The following UQCC2 variants were observed in gnomAD, a reference collection of about 807,000 sequenced individuals.
The protein encoded by UQCC2 is ubiquinol-cytochrome c reductase complex assembly factor 2, also known as breast cancer-associated protein SGA-81M.
In UQCC2, 21 loss-of-function variants were observed where a neutral mutation model predicts 19.9. The observed-to-expected ratio is 1.05, with a 90% CI of 0.75 to 1.52. The LOEUF is 1.52. Among genes scored for constraint, UQCC2 ranks in the 40% most tolerant of loss-of-function variants. The pLI is 0.00. For missense variants in UQCC2, 135 were observed against 157.5 expected (o/e 0.86, Z 0.76); for synonymous variants, 57 against 60.9 (o/e 0.94, Z 0.30).
chr6:33,705,883 G>T (rs1414965260), intron 1 of UQCC2, among the ~76,000 whole-genome samples: 1 of 152,144 alleles, frequency 6.6e-6, no homozygotes. Context: ...AGCAGTGCTG[G>T]GTTTGAAAAG....
Position 33,711,529 on chromosome 6 carries a change from G to A in UQCC2, c.138+20C>T. ...CTCGTCCTTTCCTCCCCTCGTCCCA[G>A]CCGCCTCCCCGCCGGTCACCTGGGT... On this transcript the variant is annotated intron_variant, in intron 1 of 3. Coordinates refer to ENST00000607484, the MANE Select transcript of UQCC2 (RefSeq NM_032340.4). 6.3e-7 allele frequency: 1 copy of A among 1,587,592 alleles called. No homozygotes were observed. Among genetic ancestry groups the A allele is most frequent in the Non-Finnish European group, 8.6e-7 (1 of 1,167,202 alleles).
chr6:33,697,048 G>T lies in UQCC2; in HGVS notation c.*605C>A, dbSNP rs541873647. On this transcript the variant is annotated 3_prime_UTR_variant, in exon 4 of 4. Transcript: ENST00000607484. Reference sequence around the variant, plus strand: ...AGTGCTGAAGCCAACTGCAGCTGAGGCCCCGCTTGGCCAAGGCCTGTCTAT... The same window carrying T: ...AGTGCTGAAGCCAACTGCAGCTGAGTCCCCGCTTGGCCAAGGCCTGTCTAT... 1 of 152,490 alleles carries T rather than the reference G, an allele frequency of 6.6e-6. No homozygotes were observed. The highest frequency in any genetic ancestry group is 2.1e-4 in the South Asian group (1 of 4,834). 9.4% of individuals were successfully genotyped at this position (152,490 alleles called of 1,614,324 possible).
At chr6:33,701,465 C>G in intron 1 of UQCC2, 45 bp from the exon 2 acceptor site, 1 of 1,583,756 alleles carries the variant, frequency 6.3e-7, no homozygotes, top group Non-Finnish European at 8.6e-7. Context: ...AGGAGTCCTG[C>G]CTCCCACAGT....
rs754881904 is a variant in UQCC2, at chr6:33,711,690, G to A, written c.-4C>T. On this transcript the variant is annotated 5_prime_UTR_variant, in exon 1 of 4. Transcript: ENST00000607484. Reference sequence around the variant, plus strand: ...GCCGGTACCGGCTGGCCGCCATCTTGGGCCCCGCGTGTTCCCGCCTTAGCG... The same window carrying A: ...GCCGGTACCGGCTGGCCGCCATCTTAGGCCCCGCGTGTTCCCGCCTTAGCG... 3.1e-6 allele frequency: 5 copies of A among 1,606,168 alleles called. No homozygotes were observed. The highest frequency in any genetic ancestry group is 3.5e-5 in the Admixed American group (2 of 57,624).
chr6:33,710,142 CA>C (rs1765748536), intron 1 of UQCC2, among the ~76,000 whole-genome samples: 1 of 152,158 alleles, frequency 6.6e-6, no homozygotes, highest in African/African-American at 2.4e-5. Context: ...TCAACCTGCG[CA>C]TAACCTGAAT....
intron 1 of UQCC2, among the ~76,000 whole-genome samples, chr6:33,710,927 G>GC (rs1472465011): frequency 2.0e-5 from 3 of 152,200 alleles, no homozygotes; most frequent in Admixed American, 2.0e-4. Flanking sequence ...TGCTGCACAG[G>GC]CTTACAGGGG....
intron 1 of UQCC2, among the ~76,000 whole-genome samples, chr6:33,701,937 G>T (rs983038377): frequency 6.6e-6 from 1 of 151,892 alleles, no homozygotes; most frequent in Non-Finnish European, 1.5e-5. Context: ...AGGCCTTCCT[G>T]GGGGAGGAGA....
intron 1 of UQCC2, among the ~76,000 whole-genome samples, chr6:33,703,541 G>A (rs368108291): frequency 6.6e-6 from 1 of 151,880 alleles, no homozygotes; most frequent in Non-Finnish European, 1.5e-5. Context: ...AGGGAGCAGG[G>A]GAGTCAAACT....
At chr6:33,705,060 C>A (rs1221906062) in intron 1 of UQCC2, among the ~76,000 whole-genome samples, 3 of 147,520 alleles carry the variant, frequency 2.0e-5, no homozygotes, top group Non-Finnish European at 4.5e-5. Flanking sequence ...TAGATGGAGT[C>A]TCACTCTGTC....
chr6:33,697,703 G>A lies in UQCC2; in HGVS notation c.331C>T (p.Leu111=). 6.2e-7 allele frequency: 1 copy of A among 1,614,172 alleles called. No homozygotes were observed. ...KEIDKGMWKK[L]QEKFAPKGPE... ...CCCTTGGGGGCAAACTTCTCCTGCA[G>A]TTTCTTCCACATGCCTTTATCTATT... Residue 111 remains leucine (L), a synonymous_variant, in exon 4 of 4, where the codon CTG becomes TTG. Transcript: ENST00000607484.
intron 3 of UQCC2, chr6:33,698,229 G>T (rs772845709): frequency 6.2e-6 from 1 of 161,986 alleles, no homozygotes; most frequent in Non-Finnish European, 1.4e-5. Context: ...GCAGGGATTT[G>T]AATCCTGGTG....
intron 1 of UQCC2, 92 bp from the exon 2 acceptor site, chr6:33,701,512 G>T: frequency 7.7e-7 from 1 of 1,306,172 alleles, no homozygotes; most frequent in Non-Finnish European, 1.1e-6. Flanking sequence ...TTAATAAAGC[G>T]TTCACATGAA....
intron 1 of UQCC2, among the ~76,000 whole-genome samples, chr6:33,710,076 T>C (rs774290313): frequency 1.3e-5 from 2 of 152,160 alleles, no homozygotes; most frequent in Non-Finnish European, 2.9e-5. Flanking sequence ...GGTGCTATCT[T>C]TGGTTCCTCT....
chr6:33,700,951 G>C (rs1442454029), intron 2 of UQCC2, among the ~76,000 whole-genome samples: 2 of 152,232 alleles, frequency 1.3e-5, no homozygotes, highest in Non-Finnish European at 2.9e-5. Flanking sequence ...AATCATGTTG[G>C]GCCCAGCTCC....
At chr6:33,703,648 T>C (rs566416745) in intron 1 of UQCC2, among the ~76,000 whole-genome samples, 3 of 151,706 alleles carry the variant, frequency 2.0e-5, no homozygotes, top group Admixed American at 1.3e-4. Context: ...AAAAAAAAAG[T>C]TGCCACAGTT....
intron 1 of UQCC2, among the ~76,000 whole-genome samples, chr6:33,706,897 C>T (rs941087845): frequency 2.0e-5 from 3 of 152,200 alleles, no homozygotes; most frequent in Admixed American, 6.5e-5. Context: ...TGAGAAGACA[C>T]CCTTGCTGAG....
intron 2 of UQCC2, among the ~76,000 whole-genome samples, 184 bp from the exon 3 acceptor site, chr6:33,700,697 A>G (rs1339272392): frequency 6.6e-6 from 1 of 152,192 alleles, no homozygotes; most frequent in African/African-American, 2.4e-5. Flanking sequence ...TCCAGGAGGC[A>G]GCTCCAACTA....
At chr6:33,703,154 T>C (rs758117459) in intron 1 of UQCC2, among the ~76,000 whole-genome samples, 3 of 152,246 alleles carry the variant, frequency 2.0e-5, no homozygotes, top group Non-Finnish European at 4.4e-5. Flanking sequence ...TGCACACATC[T>C]GGGCGAACAC....
intron 1 of UQCC2, among the ~76,000 whole-genome samples, chr6:33,707,994 T>C (rs991901204): frequency 6.6e-6 from 1 of 152,180 alleles, no homozygotes; most frequent in Non-Finnish European, 1.5e-5. Context: ...AGAGGGCAAT[T>C]TGAGGTGGAA....
Sources: allele counts gnomAD v4.1 joint callset (sites outside exome capture counted in the v4.1 genomes callset), GRCh38; gene constraint gnomAD v4.1.1; transcripts MANE v1.5; gene names NCBI Gene and HGNC (gene_info 2026-07-23, HGNC 2026-07-21).